Variants in CYP2C8 observed in about 807,000 individuals in gnomAD.
CYP2C8 encodes the protein cytochrome P450 family 2 subfamily C member 8.
In CYP2C8, 51 loss-of-function variants were observed where a neutral mutation model predicts 41.3. The observed-to-expected ratio is 1.24, with a 90% CI of 0.99 to 1.56. CYP2C8 has a LOEUF of 1.56. Among genes scored for constraint, CYP2C8 ranks in the 40% most tolerant of loss-of-function variants. The pLI, the probability that CYP2C8 is intolerant of heterozygous loss-of-function variation, is 0.00. For missense variants in CYP2C8, 651 were observed against 579.9 expected (o/e 1.12, Z -1.26); for synonymous variants, 218 against 205.8 (o/e 1.06, Z -0.51).
chr10:95,067,196 A>C lies in CYP2C8; in HGVS notation c.481+12T>G, dbSNP rs748264751. 1 of 1,614,024 alleles carries C rather than the reference A, an allele frequency of 6.2e-7. No homozygotes were observed. The highest frequency in any genetic ancestry group is 2.2e-5 in the East Asian group (1 of 44,876). On this transcript the variant is annotated intron_variant, in intron 3 of 8. Transcript: ENST00000371270. ...ACTGTTAAGGTCAATGACGCAGAGT[A>C]GAGTCACCCACCCTTGGTTTTTCTC...
intron 5 of CYP2C8, among the ~76,000 whole-genome samples, chr10:95,057,686 T>C (rs971412051): frequency 1.3e-5 from 2 of 152,182 alleles, no homozygotes; most frequent in Admixed American, 1.3e-4. Flanking sequence ...AATGAGGTTG[T>C]CAAGACAATT....
intron 7 of CYP2C8, 36 bp from the exon 8 acceptor site, chr10:95,039,074 G>C: frequency 6.3e-7 from 1 of 1,597,096 alleles, no homozygotes; most frequent in Non-Finnish European, 8.6e-7. Context: ...GATTTATAAA[G>C]AAGTCCAGAA....
intron 5 of CYP2C8, among the ~76,000 whole-genome samples, chr10:95,057,948 G>A (rs1309391229): frequency 1.3e-5 from 2 of 152,104 alleles, no homozygotes; most frequent in Non-Finnish European, 2.9e-5. Context: ...AATGTGCAGG[G>A]CATACAGGAA....
At chr10:95,041,307 T>C (rs1378997055) in intron 7 of CYP2C8, among the ~76,000 whole-genome samples, 1 of 152,206 alleles carries the variant, frequency 6.6e-6, no homozygotes, top group Admixed American at 6.5e-5. Context: ...AAGTGCATAA[T>C]TGGGCTGCAG....
At chr10:95,062,607 G>A (rs2033462198) in intron 4 of CYP2C8, among the ~76,000 whole-genome samples, 1 of 152,096 alleles carries the variant, frequency 6.6e-6, no homozygotes, top group African/African-American at 2.4e-5. Flanking sequence ...TTCCCAGTCT[G>A]TGTCTTTTAA....
chr10:95,065,958 G>A (rs546822795), intron 3 of CYP2C8, among the ~76,000 whole-genome samples: 8 of 152,218 alleles, frequency 5.3e-5, no homozygotes, highest in African/African-American at 1.2e-4. Flanking sequence ...AGAGTGACAC[G>A]AAATGAAAGG....
chr10:95,062,767 T>G (rs1429921845), intron 4 of CYP2C8, among the ~76,000 whole-genome samples: 1 of 152,206 alleles, frequency 6.6e-6, no homozygotes, highest in Non-Finnish European at 1.5e-5. Context: ...GTTTTTGCAG[T>G]GGCTGGTACC....
intron 4 of CYP2C8, among the ~76,000 whole-genome samples, chr10:95,062,284 T>C (rs2033453652): frequency 6.6e-6 from 1 of 152,222 alleles, no homozygotes; most frequent in Non-Finnish European, 1.5e-5. Context: ...TAAGTCTCTT[T>C]ATAGGTCTCT....
At chr10:95,056,838 C>T (rs1167238213) in intron 5 of CYP2C8, among the ~76,000 whole-genome samples, 4 of 152,042 alleles carry the variant, frequency 2.6e-5, no homozygotes, top group Non-Finnish European at 5.9e-5. Context: ...GCAGGGCAGG[C>T]GAGTCCCAAT....
intron 3 of CYP2C8, among the ~76,000 whole-genome samples, chr10:95,066,784 A>T (rs1054776409): frequency 6.6e-6 from 1 of 152,214 alleles, no homozygotes; most frequent in Admixed American, 6.5e-5. Context: ...AACTTGGTTC[A>T]TATTTCATGA....
chr10:95,054,894 G>A (rs939992382), intron 5 of CYP2C8, among the ~76,000 whole-genome samples: 15 of 149,024 alleles, frequency 1.0e-4, no homozygotes, highest in Middle Eastern at 3.2e-3. Flanking sequence ...GAAAAATAAG[G>A]AGTATCTAAA....
chr10:95,060,248 C>T lies in CYP2C8; in HGVS notation c.643-1737G>A, dbSNP rs193248662. On this transcript the variant is annotated intron_variant, in intron 4 of 8. Coordinates refer to ENST00000371270, the MANE Select transcript of CYP2C8 (RefSeq NM_000770.3). ...TTACCTTGGGCAGTATGGCCATTTT[C>T]ATGATATTGATTTTTCCTACCCATG... Among the ~76,000 whole-genome samples the T allele has an allele frequency of 7.5e-3, 1,147 of 152,238 alleles. 8 individuals carry two copies. The highest frequency in any genetic ancestry group is 0.026 in the African/African-American group (1,090 of 41,548).
chr10:95,058,488 G>T lies in CYP2C8; in HGVS notation c.666C>A (p.Leu222=). 1 of 1,612,854 alleles carries T rather than the reference G, an allele frequency of 6.2e-7. No homozygotes were observed. The highest frequency in any genetic ancestry group is 1.1e-5 in the South Asian group (1 of 91,016). ...WIQVCNNFPL[L]IDCFPGTHNK... is the part of the protein sequence containing the mutation. ...TGTGAGTTCCTGGGAAACAATCAAT[G>T]AGTAGAGGGAAATTATTGCAGACCT... is the stretch of plus-strand genomic sequence containing the variant. The change falls in exon 5 of 9, where the codon CTC becomes CTA. Residue 222 remains leucine, a synonymous_variant. Coordinates refer to ENST00000371270, the MANE Select transcript of CYP2C8 (RefSeq NM_000770.3).
chr10:95,045,751 T>C (rs2033094466), intron 6 of CYP2C8, 59 bp downstream of exon 6: 1 of 1,602,422 alleles, frequency 6.2e-7, no homozygotes, highest in African/African-American at 1.3e-5. Flanking sequence ...TGGAGGATAC[T>C]GGCACCATCT....
At chr10:95,062,883 C>A (rs1224564092) in intron 4 of CYP2C8, among the ~76,000 whole-genome samples, 3 of 152,116 alleles carry the variant, frequency 2.0e-5, no homozygotes, top group Admixed American at 2.0e-4. Flanking sequence ...GATTTTATTT[C>A]TCCTTCACTT....
rs746442257 is a variant in CYP2C8, at chr10:95,042,951, G to T, written c.1088C>A (p.Pro363His). The change falls in exon 7 of 9, where the codon CCC (proline) becomes CAC (histidine). Residue 363 changes from proline to histidine, a missense_variant. Pro to His is a moderately conservative substitution (Grantham distance 77). Transcript: ENST00000371270. The stretch of plus-strand genomic sequence containing the variant: ...GGTCACTGCATGGGGCACACCGGTG[G>T]GGACAAGGTCACTGTATCTCTGGAT... ...HEIQRYSDLV[P>H]TGVPHAVTTD... is the part of the protein sequence containing the mutation. 1.9e-6 allele frequency: 3 copies of T among 1,614,104 alleles called. No homozygotes were observed. Among genetic ancestry groups the T allele is most frequent in the Non-Finnish European group, 2.5e-6 (3 of 1,179,998 alleles).
rs1334764952 is a variant in CYP2C8 at position 95,064,963 on chromosome 10, A to G, written c.482-3T>C. On this transcript the variant is annotated splice_region_variant and splice_polypyrimidine_tract_variant and intron_variant, in intron 3 of 8. Transcript: ENST00000371270. ...GAAAGTGGGATCACAGGGTGAAGCT[A>G]AAGATTTAAAAATTTTTAAAAAAAT... is the stretch of plus-strand genomic sequence containing the variant. 2 of 1,464,590 alleles carry G rather than the reference A, an allele frequency of 1.4e-6. No individual in the cohort carries two copies. Among genetic ancestry groups the G allele is most frequent in the Non-Finnish European group, 1.8e-6 (2 of 1,107,562 alleles). The allele number at this position is 1,464,590 out of a possible 1,614,324, so 90.7% of individuals were successfully genotyped here.
At chr10:95,060,732 G>T (rs1362607618) in intron 4 of CYP2C8, among the ~76,000 whole-genome samples, 2 of 152,180 alleles carry the variant, frequency 1.3e-5, no homozygotes, top group African/African-American at 4.8e-5. Flanking sequence ...AGTTTTCAAA[G>T]GGAATGCTTC....
chr10:95,058,650 A>AT, intron 4 of CYP2C8, 139 bp from the exon 5 acceptor site: 1 of 758,170 alleles, frequency 1.3e-6, no homozygotes. Flanking sequence ...ACATATATAC[A>AT]TTTTTTATTA....
Sources: allele counts gnomAD v4.1 joint callset (sites outside exome capture counted in the v4.1 genomes callset), GRCh38; gene constraint gnomAD v4.1.1; transcripts MANE v1.5; gene names NCBI Gene and HGNC (gene_info 2026-07-23, HGNC 2026-07-21).